The following RPH3A variants were observed in gnomAD, a reference collection of about 807,000 sequenced individuals.
RPH3A encodes rabphilin-3A.
A neutral mutation model predicts 102.2 loss-of-function variants in RPH3A; 48 were observed. That is an observed-to-expected ratio of 0.47 (90% CI 0.37 to 0.60). The LOEUF is 0.60. RPH3A is among the 20% of genes least tolerant of loss of function. The pLI is 0.00. For missense variants in RPH3A, 781 were observed against 910.1 expected (o/e 0.86, Z 1.83); for synonymous variants, 310 against 324.3 (o/e 0.96, Z 0.47).
intron 1 of RPH3A, among the ~76,000 whole-genome samples, chr12:112,696,194 C>T (rs1184630819): frequency 6.6e-6 from 1 of 152,194 alleles, no homozygotes; most frequent in Non-Finnish European, 1.5e-5. Context: ...GAGTAATATT[C>T]CATGGTGTAT....
Position 112,776,957 on chromosome 12 carries a change from G to A in RPH3A, c.-139-15186G>A, listed in dbSNP as rs111958796. On this transcript the variant is annotated intron_variant, in intron 1 of 21. Coordinates refer to the RPH3A transcript ENST00000543106. ...AGTCTAGGCTCATAGCACTCTATTG[G>A]CCAAAGGAAGCACAGGTCAAATTCA... Among the ~76,000 whole-genome samples the A allele has an allele frequency of 5.6e-3, 831 of 148,756 alleles. 8 individuals carry two copies. Among genetic ancestry groups the A allele is most frequent in the African/African-American group, 0.019 (770 of 40,476 alleles).
At chr12:112,672,670 G>T (rs2040142416) in intron 1 of RPH3A, among the ~76,000 whole-genome samples, 1 of 152,168 alleles carries the variant, frequency 6.6e-6, no homozygotes, top group Non-Finnish European at 1.5e-5. Flanking sequence ...CTGGGGGCAT[G>T]CTCACTTGTC....
intron 1 of RPH3A, among the ~76,000 whole-genome samples, chr12:112,742,346 T>C (rs1483091553): frequency 6.6e-6 from 1 of 152,154 alleles, no homozygotes; most frequent in Non-Finnish European, 1.5e-5. Flanking sequence ...GAAGTTCATG[T>C]ATCTGAAGAA....
chr12:112,738,150 T>A (rs1037879029), intron 1 of RPH3A, among the ~76,000 whole-genome samples: 17 of 151,898 alleles, frequency 1.1e-4, no homozygotes, highest in African/African-American at 4.1e-4. Flanking sequence ...TCCTTGTGTA[T>A]ATCTCTGTGT....
chr12:112,581,573 G>A (rs575595102), intron 1 of RPH3A, among the ~76,000 whole-genome samples: 105 of 152,298 alleles, frequency 6.9e-4, no homozygotes, highest in Non-Finnish European at 1.4e-3. Context: ...AGGTAGCTTG[G>A]GAGGTAGCTA....
intron 1 of RPH3A, among the ~76,000 whole-genome samples, chr12:112,733,144 C>T (rs929398438): frequency 6.6e-6 from 1 of 152,084 alleles, no homozygotes; most frequent in Non-Finnish European, 1.5e-5. Flanking sequence ...TGAGCCTGTG[C>T]TACAGACAAG....
intron 1 of RPH3A, among the ~76,000 whole-genome samples, chr12:112,668,847 T>C (rs1185715409): frequency 6.6e-6 from 1 of 152,046 alleles, no homozygotes; most frequent in Non-Finnish European, 1.5e-5. Flanking sequence ...GGACAGAGAA[T>C]GAATTAGCAG....
At chr12:112,870,948 T>G (rs905728844) in intron 10 of RPH3A, among the ~76,000 whole-genome samples, 1 of 152,216 alleles carries the variant, frequency 6.6e-6, no homozygotes, top group African/African-American at 2.4e-5. Flanking sequence ...CATTATCTCA[T>G]TTAATGTTTG....
chr12:112,876,830 G>A lies in RPH3A; in HGVS notation c.1135G>A (p.Glu379Lys), dbSNP rs1022761761. The change falls in exon 13 of 22, where the codon GAA becomes AAA. Residue 379 changes from glutamate to lysine, a missense_variant. Glu to Lys is a moderately conservative substitution (Grantham distance 56). Coordinates refer to ENST00000389385, the MANE Select transcript of RPH3A (RefSeq NM_001143854.2). ...CCAGCCACCACCCCCAGAGGAGGAGGAAGAGGAAGCCAACAGCTACGATTC... is the reference window on the plus strand; with the variant it reads ...CCAGCCACCACCCCCAGAGGAGGAGAAAGAGGAAGCCAACAGCTACGATTC... ...ARQPPPPEEE[E>K]EEANSYDSDE... is the part of the protein sequence containing the mutation. 1 of 1,608,956 alleles carries A rather than the reference G, an allele frequency of 6.2e-7. No individual in the cohort carries two copies. The highest frequency in any genetic ancestry group is 8.5e-7 in the Non-Finnish European group (1 of 1,177,154).
rs1565882517 is a variant in RPH3A, at chr12:112,791,904, G to GAGAGAGAGAGAGAGAGAGAGAT, written c.-247_-246insGAGAGAGAGAGAGAGAGAGATA. 1 of 151,120 alleles carries GAGAGAGAGAGAGAGAGAGAGAT rather than the reference G, an allele frequency of 6.6e-6. No individual in the cohort carries two copies. Among genetic ancestry groups the GAGAGAGAGAGAGAGAGAGAGAT allele is most frequent in the Non-Finnish European group, 1.5e-5 (1 of 67,766 alleles). The allele number at this position is 151,120 out of a possible 1,614,324, so 9.4% of individuals were successfully genotyped here. A position where few individuals can be genotyped will look rare whatever the true frequency, so the allele number is the denominator to read the frequency against. ...AGAGAGAGAGAGAGAGAGAGAGAGA[G>GAGAGAGAGAGAGAGAGAGAGAT]ACTCACAGAGCTAAAACCTTCATCC... On this transcript the variant is annotated 5_prime_UTR_variant, in exon 1 of 22. Coordinates refer to ENST00000389385, the MANE Select transcript of RPH3A (RefSeq NM_001143854.2).
upstream of RPH3A, among the ~76,000 whole-genome samples, chr12:112,790,050 C>T (rs2041081145): frequency 6.6e-6 from 1 of 151,936 alleles, no homozygotes; most frequent in African/African-American, 2.4e-5. Flanking sequence ...CAGAGTGAGA[C>T]ACTGTCTTTT....
chr12:112,858,266 C>CAAAAAAAAAAAAAAAAAA (rs1164602599), intron 5 of RPH3A, among the ~76,000 whole-genome samples: 1 of 44,766 alleles, frequency 2.2e-5, no homozygotes, highest in South Asian at 1.5e-3. Flanking sequence ...GACCCTGTCT[C>CAAAAAAAAAAAAAAAAAA]AAAAAAAAAA....
intron 1 of RPH3A, among the ~76,000 whole-genome samples, chr12:112,646,737 A>G (rs554914436): frequency 1.3e-5 from 2 of 152,268 alleles, no homozygotes; most frequent in South Asian, 4.2e-4. Flanking sequence ...TCCACTTTTC[A>G]ATACTCACTG....
chr12:112,705,630 A>T (rs535501043), intron 1 of RPH3A, among the ~76,000 whole-genome samples: 1 of 152,340 alleles, frequency 6.6e-6, no homozygotes, highest in Non-Finnish European at 1.5e-5. Context: ...TCCTTTAAAA[A>T]TTAATTTTTT....
intron 5 of RPH3A, among the ~76,000 whole-genome samples, chr12:112,861,661 A>G (rs543363737): frequency 1.3e-5 from 2 of 152,310 alleles, no homozygotes; most frequent in East Asian, 3.9e-4. Flanking sequence ...CAGTTTTCTC[A>G]TGTAGTAAAT....
At chr12:112,602,235 T>C (rs554476864) in intron 1 of RPH3A, among the ~76,000 whole-genome samples, 3 of 152,298 alleles carry the variant, frequency 2.0e-5, no homozygotes, top group Non-Finnish European at 4.4e-5. Context: ...CCAAGTCCTT[T>C]AACCTTCTTT....
In RPH3A at chr12:112,847,735, T is replaced by C; in HGVS notation, c.123T>C (p.Pro41=). The change falls in exon 5 of 22, where the codon CCT becomes CCC. Residue 41 remains proline (P), a synonymous_variant. Coordinates refer to ENST00000389385, the MANE Select transcript of RPH3A (RefSeq NM_001143854.2). ...AGWSVHPGGQ[P]DRQRKQEELT... ...GGTCCGTCCACCCCGGTGGTCAGCCTGACAGGCAGAGGAAGCAGGAAGAGC... is the reference window on the plus strand; with the variant it reads ...GGTCCGTCCACCCCGGTGGTCAGCCCGACAGGCAGAGGAAGCAGGAAGAGC... The C allele has an allele frequency of 6.2e-7, 1 of 1,614,158 alleles. No individual in the cohort carries two copies. Among genetic ancestry groups the C allele is most frequent in the Non-Finnish European group, 8.5e-7 (1 of 1,180,014 alleles).
intron 16 of RPH3A, among the ~76,000 whole-genome samples, chr12:112,884,396 G>A (rs2042973063): frequency 1.3e-5 from 2 of 152,062 alleles, no homozygotes; most frequent in Non-Finnish European, 2.9e-5. Context: ...TGAATTCTTT[G>A]GGTATCATTC....
chr12:112,895,689 C>T, intron 20 of RPH3A, 88 bp from the exon 21 acceptor site: 1 of 865,572 alleles, frequency 1.2e-6, no homozygotes, highest in Admixed American at 1.9e-5. Context: ...CTCTCCTTGG[C>T]CCATAACCCC....
Sources: gnomAD v4.1 joint callset for allele counts (sites outside exome capture counted in the v4.1 genomes callset) on GRCh38, gnomAD v4.1.1 for gene constraint, MANE v1.5 for transcripts, NCBI Gene and HGNC (gene_info 2026-07-23, HGNC 2026-07-21) for gene names.